The following UMAD1 variants were observed in gnomAD, a reference collection of about 807,000 sequenced individuals.
UMAD1 encodes the protein UBAP1-MVB12-associated (UMA)-domain containing protein 1.
UMAD1 carries 8 observed loss-of-function variants against 6.1 expected under a neutral mutation model. The observed-to-expected ratio is 1.30, with a 90% CI of 0.76 to 2.35. The LOEUF is 2.35. Among genes scored for constraint, UMAD1 ranks in the 30% most tolerant of loss-of-function variants. The probability of loss-of-function intolerance (pLI) is 0.00; values close to 1 mark genes in which losing one functional copy is unlikely to be tolerated. For missense variants in UMAD1, 130 were observed against 78.4 expected (o/e 1.66, Z -2.49); for synonymous variants, 56 against 31.4 (o/e 1.78, Z -2.61).
chr7:7,751,203 T>C (rs1475704985), intron 2 of UMAD1, among the ~76,000 whole-genome samples: 8 of 152,250 alleles, frequency 5.3e-5, no homozygotes, highest in Non-Finnish European at 8.8e-5. Flanking sequence ...TCGTTGACTA[T>C]ATCTCTCCCC....
Position 7,801,682 on chromosome 7 carries a change from A to G in UMAD1, c.95A>G (p.Asp32Gly). The G allele has an allele frequency of 1.4e-6, 1 of 718,110 alleles. No individual in the cohort carries two copies. The allele number at this position is 718,110 out of a possible 1,614,324, so 44.5% of individuals were successfully genotyped here. The change falls in exon 3 of 4, where the codon GAT (aspartate) becomes GGT (glycine). Residue 32 changes from aspartate (D) to glycine (G), a missense_variant. Coordinates refer to ENST00000682710, the MANE Select transcript of UMAD1 (RefSeq NM_001302348.2). ...TTTTACTTCATAGGAGATACAACAG[A>G]TGAGCAAAGAATGACAGCAAGAGGC... ...DGFVLLGDTT[D>G]EQRMTARGKT... is the part of the protein sequence containing the mutation.
intron 2 of UMAD1, among the ~76,000 whole-genome samples, chr7:7,743,698 GTATAATATATATTA>G (rs1563171735): frequency 2.2e-4 from 8 of 35,834 alleles, no homozygotes; most frequent in African/African-American, 1.5e-3. Context: ...ATATGTATAT[GTATAATATATATTA>G]TACATATACA....
intron 3 of UMAD1, among the ~76,000 whole-genome samples, chr7:7,863,839 C>G (rs1333411680): frequency 6.6e-6 from 1 of 152,108 alleles, no homozygotes; most frequent in African/African-American, 2.4e-5. Flanking sequence ...ACAGACTCTC[C>G]CTTTGGCCAC....
intron 2 of UMAD1, among the ~76,000 whole-genome samples, chr7:7,683,021 G>A (rs1203640439): frequency 1.3e-5 from 2 of 152,200 alleles, no homozygotes; most frequent in African/African-American, 2.4e-5. Context: ...GGCCATCCCC[G>A]TGTGGGGTAC....
At chr7:7,826,970 A>C (rs1043110930) in intron 3 of UMAD1, among the ~76,000 whole-genome samples, 3 of 152,164 alleles carry the variant, frequency 2.0e-5, no homozygotes, top group Non-Finnish European at 4.4e-5. Flanking sequence ...AACATTCCAT[A>C]AGATGCAGTT....
intron 3 of UMAD1, among the ~76,000 whole-genome samples, chr7:7,867,814 C>CT (rs1227969117): frequency 1.3e-5 from 2 of 152,144 alleles, no homozygotes; most frequent in Admixed American, 6.5e-5. Flanking sequence ...TGGTTAATTG[C>CT]TTCTAGGAAA....
intron 2 of UMAD1, among the ~76,000 whole-genome samples, chr7:7,787,367 TG>T (rs1307448220): frequency 4.6e-5 from 7 of 152,256 alleles, no homozygotes; most frequent in Non-Finnish European, 8.8e-5. Flanking sequence ...GAAACAGTAC[TG>T]TTGTTTTTAG....
chr7:7,777,601 A>G (rs994395713), intron 2 of UMAD1, among the ~76,000 whole-genome samples: 3 of 144,560 alleles, frequency 2.1e-5, no homozygotes, highest in Non-Finnish European at 3.0e-5. Flanking sequence ...ATATATATAT[A>G]TGTAATTGCC....
intron 2 of UMAD1, among the ~76,000 whole-genome samples, chr7:7,674,027 G>A (rs1779677967): frequency 6.6e-6 from 1 of 152,144 alleles, no homozygotes; most frequent in Non-Finnish European, 1.5e-5. Context: ...TTTCCTCCAT[G>A]TCATGTCACA....
chr7:7,810,171 G>A (rs1425750077), intron 3 of UMAD1, among the ~76,000 whole-genome samples: 2 of 151,436 alleles, frequency 1.3e-5, no homozygotes, highest in Non-Finnish European at 2.9e-5. Flanking sequence ...AGCATCGGGG[G>A]GTTACAAAGA....
intron 3 of UMAD1, among the ~76,000 whole-genome samples, chr7:7,859,633 G>C (rs992176083): frequency 2.6e-5 from 4 of 152,114 alleles, no homozygotes; most frequent in African/African-American, 9.7e-5. Flanking sequence ...TAAATGATTC[G>C]CTTAAGGTCA....
chr7:7,643,638 A>T (rs924133391), intron 1 of UMAD1, among the ~76,000 whole-genome samples: 2 of 151,388 alleles, frequency 1.3e-5, no homozygotes, highest in African/African-American at 4.9e-5. Context: ...CGTGAACCCG[A>T]GAGGCGGAGC....
At chr7:7,752,725 T>A (rs1392853358) in intron 2 of UMAD1, among the ~76,000 whole-genome samples, 1 of 152,060 alleles carries the variant, frequency 6.6e-6, no homozygotes, top group South Asian at 2.1e-4. Context: ...TAATCAAAAA[T>A]TTTAGAAAAA....
intron 2 of UMAD1, among the ~76,000 whole-genome samples, chr7:7,752,801 A>T (rs1261339256): frequency 6.6e-6 from 1 of 152,016 alleles, no homozygotes; most frequent in Non-Finnish European, 1.5e-5. Context: ...CATGATGTTT[A>T]TTTTCAGCTA....
intron 3 of UMAD1, among the ~76,000 whole-genome samples, chr7:7,811,340 G>T (rs1412147214): frequency 6.6e-6 from 1 of 152,128 alleles, no homozygotes; most frequent in Non-Finnish European, 1.5e-5. Context: ...TGTGTCATTT[G>T]AACAGATAAA....
chr7:7,842,706 C>T (rs1783706185), intron 3 of UMAD1, among the ~76,000 whole-genome samples: 1 of 151,862 alleles, frequency 6.6e-6, no homozygotes, highest in African/African-American at 2.4e-5. Context: ...ACATCCCTTA[C>T]TCAATATGTA....
intron 2 of UMAD1, among the ~76,000 whole-genome samples, chr7:7,692,158 C>A (rs1780187082): frequency 6.6e-6 from 1 of 152,096 alleles, no homozygotes; most frequent in South Asian, 2.1e-4. Context: ...CACATATCAC[C>A]ATCTTCCCTT....
chr7:7,748,578 A>C (rs569090882), intron 2 of UMAD1, among the ~76,000 whole-genome samples: 1 of 152,176 alleles, frequency 6.6e-6, no homozygotes, highest in Non-Finnish European at 1.5e-5. Context: ...CATTTACAGC[A>C]AGGTTATCAA....
intron 1 of UMAD1, among the ~76,000 whole-genome samples, chr7:7,650,064 A>C (rs1276200909): frequency 2.6e-5 from 4 of 152,242 alleles, no homozygotes; most frequent in Non-Finnish European, 4.4e-5. Context: ...TGGACAGATT[A>C]AGAAGCATGC....
Sources: allele counts gnomAD v4.1 joint callset (sites outside exome capture counted in the v4.1 genomes callset), GRCh38; gene constraint gnomAD v4.1.1; transcripts MANE v1.5; gene names NCBI Gene and HGNC (gene_info 2026-07-23, HGNC 2026-07-21).